The following SCN8A variants were observed in gnomAD, a reference collection of about 807,000 sequenced individuals.
SCN8A encodes sodium voltage-gated channel alpha subunit 8.
A neutral mutation model predicts 184.1 loss-of-function variants in SCN8A; 30 were observed. The observed-to-expected ratio is 0.16, with a 90% CI of 0.12 to 0.22. The LOEUF (loss-of-function observed/expected upper bound fraction) is 0.22, where lower values mean the gene tolerates loss of function less well. SCN8A is among the 10% of genes least tolerant of loss of function. SCN8A has a pLI of 1.00. For missense variants in SCN8A, 1,057 were observed against 2,498.9 expected, an observed-to-expected ratio of 0.42 and a Z score of 12.30; for synonymous variants, 852 against 907.0, an observed-to-expected ratio of 0.94 and a Z score of 1.09.
chr12:51,704,005 G>A (rs1443341594), intron 9 of SCN8A, among the ~76,000 whole-genome samples: 8 of 151,774 alleles, frequency 5.3e-5, no homozygotes, highest in African/African-American at 1.5e-4. Context: ...CAATTCTCCT[G>A]CCTCAGCCTC....
intron 1 of SCN8A, among the ~76,000 whole-genome samples, chr12:51,600,951 G>C (rs537615898): frequency 6.6e-6 from 1 of 152,270 alleles, no homozygotes; most frequent in Admixed American, 6.5e-5. Context: ...AGTAGAGCAG[G>C]CACAGTTCAT....
intron 1 of SCN8A, among the ~76,000 whole-genome samples, chr12:51,636,556 T>C (rs1940322966): frequency 6.6e-6 from 1 of 152,186 alleles, no homozygotes; most frequent in Admixed American, 6.5e-5. Context: ...AATTTACTTA[T>C]ATAGTTTATT....
chr12:51,706,261 G>A (rs570665119), intron 10 of SCN8A, among the ~76,000 whole-genome samples, 161 bp from the exon 11 acceptor site: 18 of 152,356 alleles, frequency 1.2e-4, no homozygotes, highest in African/African-American at 4.3e-4. Context: ...ACTTAGGGCT[G>A]TGTGCCAGAA....
chr12:51,668,880 G>A (rs10735837), intron 2 of SCN8A, among the ~76,000 whole-genome samples: 126,215 of 152,094 alleles, frequency 0.83, 52,968 homozygotes, highest in East Asian at 0.99. Flanking sequence ...AACGATGGGG[G>A]TACGTTCTGA....
intron 20 of SCN8A, among the ~76,000 whole-genome samples, chr12:51,778,282 A>ATTT (rs1937774893): frequency 6.6e-6 from 1 of 151,776 alleles, no homozygotes; most frequent in African/African-American, 2.4e-5. Context: ...TTTTTATTTT[A>ATTT]TTTATTTATT....
chr12:51,804,393 A>T (rs571748757), intron 26 of SCN8A, among the ~76,000 whole-genome samples: 95 of 148,514 alleles, frequency 6.4e-4, no homozygotes, highest in African/African-American at 2.3e-3. Flanking sequence ...ATCTCAGCTC[A>T]CTGCAACCTC....
At chr12:51,688,717 C>T (rs1192695813) in intron 5 of SCN8A, 2 of 1,417,114 alleles carry the variant, frequency 1.4e-6, no homozygotes, top group Non-Finnish European at 2.0e-6. Flanking sequence ...AACCCTCGCC[C>T]AGTGGTACCA....
At chr12:51,665,649 A>G (rs1479413428) in intron 2 of SCN8A, among the ~76,000 whole-genome samples, 1 of 152,194 alleles carries the variant, frequency 6.6e-6, no homozygotes, top group Non-Finnish European at 1.5e-5. Flanking sequence ...AGGGGTGGAA[A>G]AAGTCCACCT....
At chr12:51,629,927 T>C (rs1425141160) in intron 1 of SCN8A, among the ~76,000 whole-genome samples, 2 of 152,150 alleles carry the variant, frequency 1.3e-5, no homozygotes, top group African/African-American at 4.8e-5. Flanking sequence ...TCCTGATGGC[T>C]GTCTTCATCC....
intron 10 of SCN8A, 72 bp from the exon 11 acceptor site, chr12:51,706,350 C>G (rs1468042304): frequency 2.1e-6 from 3 of 1,404,188 alleles, no homozygotes; most frequent in Non-Finnish European, 2.8e-6. Flanking sequence ...ATGTTCTGTA[C>G]TAACTGGTTG....
In SCN8A at chr12:51,807,753, G is replaced by T; in HGVS notation, c.*324G>T. On this transcript the variant is annotated 3_prime_UTR_variant, in exon 27 of 27. Transcript: ENST00000627620. The surrounding 1 kb of genome is among the most constrained non-coding windows in gnomAD (Gnocchi z 4.5). ...AGGCTGCCGGGACCAGCATATTTCCGTTGCAGCCAAATGGATTTTATTTTT... is the reference window on the plus strand; with the variant it reads ...AGGCTGCCGGGACCAGCATATTTCCTTTGCAGCCAAATGGATTTTATTTTT... 3.2e-6 allele frequency: 1 copy of T among 313,312 alleles called. No homozygotes were observed. The highest frequency in any genetic ancestry group is 2.1e-5 in the African/African-American group (1 of 47,270). The allele number at this position is 313,312 out of a possible 1,614,324, so 19.4% of individuals were successfully genotyped here. A position where few individuals can be genotyped will look rare whatever the true frequency, so the allele number is the denominator to read the frequency against.
Position 51,769,939 on chromosome 12 carries a change from G to A in SCN8A, c.3444G>A (p.Val1148=). The change falls in exon 18 of 27, where the codon GTG becomes GTA. Residue 1148 remains valine (V), a synonymous_variant. Transcript: ENST00000627620. Reference sequence around the variant, plus strand: ...AACCAGAAGTAGAAGAGGTCCCTGTGGAACAGCCTGAGGAATACTTGGATC... The same window carrying A: ...AACCAGAAGTAGAAGAGGTCCCTGTAGAACAGCCTGAGGAATACTTGGATC... The part of the protein sequence containing the change: ...DIKPEVEEVP[V]EQPEEYLDPD... 6.2e-7 allele frequency: 1 copy of A among 1,607,362 alleles called. No individual in the cohort carries two copies. Among genetic ancestry groups the A allele is most frequent in the Non-Finnish European group, 8.5e-7 (1 of 1,177,046 alleles).
chr12:51,717,036 A>G (rs550820016), intron 11 of SCN8A, among the ~76,000 whole-genome samples: 1 of 152,170 alleles, frequency 6.6e-6, no homozygotes, highest in East Asian at 1.9e-4. Flanking sequence ...ATCCTGCCTC[A>G]TCCCTTCCTT....
At chr12:51,690,344 T>C (rs1941486031) in intron 6 of SCN8A, among the ~76,000 whole-genome samples, 1 of 152,154 alleles carries the variant, frequency 6.6e-6, no homozygotes, top group East Asian at 1.9e-4. Flanking sequence ...CTCAGAAATA[T>C]CTCTCTTTTT....
At position 51,811,297 on chromosome 12, in the gene SCN8A, A is replaced by ATCCCCACTCACCCATTGCATGTGGCAT. The variant is rs2138953342; in HGVS notation, c.*3877_*3903dup. On this transcript the variant is annotated 3_prime_UTR_variant, in exon 27 of 27. Transcript: ENST00000627620. ...AAAGCAAGGTCCTGACCCCCCCCAG[A>ATCCCCACTCACCCATTGCATGTGGCAT]TCCCCACTCACCCATTGCATGTGGC... is the stretch of plus-strand genomic sequence containing the variant. 1 of 152,012 alleles carries ATCCCCACTCACCCATTGCATGTGGCAT rather than the reference A, an allele frequency of 6.6e-6. No homozygotes were observed. The highest frequency in any genetic ancestry group is 6.6e-5 in the Admixed American group (1 of 15,256). The allele number at this position is 152,012 out of a possible 1,614,324, so 9.4% of individuals were successfully genotyped here. A position where few individuals can be genotyped will look rare whatever the true frequency, so the allele number is the denominator to read the frequency against.
intron 6 of SCN8A, among the ~76,000 whole-genome samples, chr12:51,693,561 A>G (rs1941545694): frequency 6.6e-6 from 1 of 152,208 alleles, no homozygotes; most frequent in Non-Finnish European, 1.5e-5. Context: ...ACTTGAGCCC[A>G]GGAGTTCGAG....
intron 14 of SCN8A, among the ~76,000 whole-genome samples, chr12:51,758,631 T>C (rs1942714854): frequency 6.6e-6 from 1 of 152,064 alleles, no homozygotes; most frequent in Non-Finnish European, 1.5e-5. Context: ...AGAGATGGAG[T>C]TTCACCATGT....
At chr12:51,667,237 A>T (rs1214121196) in intron 2 of SCN8A, among the ~76,000 whole-genome samples, 1 of 152,126 alleles carries the variant, frequency 6.6e-6, no homozygotes, top group African/African-American at 2.4e-5. Flanking sequence ...GAGTTTCTTT[A>T]TGTGTATGCA....
intron 2 of SCN8A, among the ~76,000 whole-genome samples, chr12:51,666,678 C>T (rs1366278420): frequency 6.6e-6 from 1 of 152,200 alleles, no homozygotes; most frequent in African/African-American, 2.4e-5. Context: ...TTGTGACTCT[C>T]ACAAAAACTT....
Sources: gnomAD v4.1 joint callset for allele counts (sites outside exome capture counted in the v4.1 genomes callset) on GRCh38, gnomAD v4.1.1 for gene constraint, Gnocchi (gnomAD v3.1) non-coding constraint, MANE v1.5 for transcripts, NCBI Gene and HGNC (gene_info 2026-07-23, HGNC 2026-07-21) for gene names.